Variants in KIRREL3 observed in about 807,000 individuals in gnomAD.
The protein encoded by KIRREL3 is kirre like nephrin family adhesion molecule 3.
In KIRREL3, 36 loss-of-function variants were observed where a neutral mutation model predicts 89.7. That is an observed-to-expected ratio of 0.40 (90% CI 0.31 to 0.53). The LOEUF (loss-of-function observed/expected upper bound fraction) is 0.53. Ranked by LOEUF, KIRREL3 falls within the 20% of genes least tolerant of loss-of-function variation. The pLI is 0.49. For missense variants in KIRREL3, 864 were observed against 1,056.6 expected (o/e 0.82, Z 2.53); for synonymous variants, 445 against 441.4 (o/e 1.01, Z -0.10).
chr11:126,848,593 T>C (rs1233366890), intron 1 of KIRREL3, among the ~76,000 whole-genome samples: 4 of 152,220 alleles, frequency 2.6e-5, no homozygotes, highest in Admixed American at 2.6e-4. Context: ...CAACTCTATA[T>C]CAGCTTGGTT....
chr11:126,710,972 A>C lies in KIRREL3; in HGVS notation c.56-148060T>G, dbSNP rs1947732312. ...GAGGATGGTGGCTGCTGGGACGGCC[A>C]AGGGCAGCTAGGTTTCAGGTGTCCC... On this transcript the variant is annotated intron_variant, in intron 1 of 16. Transcript: ENST00000525144. The surrounding 1 kb of genome is among the most constrained non-coding windows in gnomAD (Gnocchi z 4.2). Among the ~76,000 whole-genome samples the C allele has an allele frequency of 6.6e-6, 1 of 152,210 alleles. No individual in the cohort carries two copies.
chr11:126,956,956 C>T (rs888599319), intron 1 of KIRREL3, among the ~76,000 whole-genome samples: 8 of 152,162 alleles, frequency 5.3e-5, no homozygotes, highest in South Asian at 2.1e-4. Context: ...CTCGTGTGCA[C>T]GCCTCTTGGG....
intron 1 of KIRREL3, among the ~76,000 whole-genome samples, chr11:126,847,902 T>A (rs1204670763): frequency 6.6e-6 from 1 of 152,218 alleles, no homozygotes; most frequent in Non-Finnish European, 1.5e-5. Context: ...ATCTATTTTC[T>A]TTTGTAACAG....
intron 6 of KIRREL3, among the ~76,000 whole-genome samples, chr11:126,460,435 A>G (rs1028198616): frequency 2.0e-5 from 3 of 152,138 alleles, no homozygotes; most frequent in Non-Finnish European, 4.4e-5. Flanking sequence ...ATCGGGGCAC[A>G]AGGAGGTTAA....
chr11:126,478,467 A>C (rs113120553), intron 4 of KIRREL3, among the ~76,000 whole-genome samples: 5,093 of 152,242 alleles, frequency 0.033, 105 homozygotes, highest in Middle Eastern at 0.051. Flanking sequence ...GGGGACGGTT[A>C]TCATGGGCTT....
intron 1 of KIRREL3, among the ~76,000 whole-genome samples, chr11:126,567,022 C>T (rs574347660): frequency 5.9e-5 from 9 of 152,284 alleles, no homozygotes; most frequent in Admixed American, 3.3e-4. Context: ...GGTCGCAGAG[C>T]TGCAGATGCT....
rs2135152786 is a variant in KIRREL3, at chr11:126,697,384, G to A, written c.56-134472C>T. Among the ~76,000 whole-genome samples the A allele has an allele frequency of 6.6e-6, 1 of 152,274 alleles. No individual in the cohort carries two copies. The highest frequency in any genetic ancestry group is 6.5e-5 in the Admixed American group (1 of 15,300). On this transcript the variant is annotated intron_variant, in intron 1 of 16. Transcript: ENST00000525144. This position sits in a 1 kb window ranked among gnomAD's most constrained non-coding sequence, Gnocchi z 4.2. ...CAAGCCACTCAACCCCTAGGAACCTGTTTTCTTATCTAGAACATGAGGGTA... is the reference window on the plus strand; with the variant it reads ...CAAGCCACTCAACCCCTAGGAACCTATTTTCTTATCTAGAACATGAGGGTA...
At chr11:126,738,671 C>G (rs1948883777) in intron 1 of KIRREL3, among the ~76,000 whole-genome samples, 1 of 152,200 alleles carries the variant, frequency 6.6e-6, no homozygotes, top group Non-Finnish European at 1.5e-5. Context: ...CCATGTTTGG[C>G]TCCTTCTCTC....
chr11:126,922,317 A>G (rs1947383829), intron 1 of KIRREL3, among the ~76,000 whole-genome samples: 1 of 151,986 alleles, frequency 6.6e-6, no homozygotes, highest in Non-Finnish European at 1.5e-5. Context: ...TCCATTCTCC[A>G]TGAAGGCTGA....
At chr11:126,849,734 A>G (rs748013873) in intron 1 of KIRREL3, among the ~76,000 whole-genome samples, 1 of 152,106 alleles carries the variant, frequency 6.6e-6, no homozygotes, top group Non-Finnish European at 1.5e-5. Context: ...AGGGAAAGAG[A>G]CAGAAGGTGG....
In KIRREL3 at chr11:126,977,662, T is replaced by C. The variant is rs1478032171; in HGVS notation, c.55+22793A>G. 3.3e-5 allele frequency among the ~76,000 whole-genome samples: 5 copies of C among 152,238 alleles called. No homozygotes were observed. The highest frequency in any genetic ancestry group is 7.3e-5 in the Non-Finnish European group (5 of 68,034). ...ATAGTGGGTGTTCGATAAATATTTG[T>C]TGAAAAAGTGAAAATGAGTTAGACT... On this transcript the variant is annotated intron_variant, in intron 1 of 16. Transcript: ENST00000525144. This position sits in a 1 kb window ranked among gnomAD's most constrained non-coding sequence, Gnocchi z 4.7.
In KIRREL3 at chr11:126,544,520, T is replaced by G. The variant is rs1352495260; in HGVS notation, c.134-17833A>C. Among the ~76,000 whole-genome samples, 2 of 152,108 alleles carry G rather than the reference T, an allele frequency of 1.3e-5. No individual in the cohort carries two copies. Among genetic ancestry groups the G allele is most frequent in the South Asian group, 2.1e-4 (1 of 4,832 alleles). On this transcript the variant is annotated intron_variant, in intron 2 of 16. Transcript: ENST00000525144. The surrounding 1 kb of genome is among the most constrained non-coding windows in gnomAD (Gnocchi z 5.6). ...TATTGCAGGATGATAGGTCTGGGAC[T>G]GGGGGTGGGACTGCCCGGGGCTACC...
chr11:126,534,648 C>T lies in KIRREL3; in HGVS notation c.134-7961G>A, dbSNP rs143332883. Among the ~76,000 whole-genome samples, 692 of 152,296 alleles carry T rather than the reference C, an allele frequency of 4.5e-3. 4 individuals carry two copies. Among genetic ancestry groups the T allele is most frequent in the African/African-American group, 0.016 (667 of 41,558 alleles). ...ACCTGCAGGGGCCGAGAGAGCACTG[C>T]GCCATCTGTCCCGGGGGCCCTTTAG... On this transcript the variant is annotated intron_variant, in intron 2 of 16. Coordinates refer to ENST00000525144, the MANE Select transcript of KIRREL3 (RefSeq NM_032531.4).
chr11:126,988,207 G>A (rs1453052646), intron 1 of KIRREL3, among the ~76,000 whole-genome samples: 1 of 152,204 alleles, frequency 6.6e-6, no homozygotes, highest in Non-Finnish European at 1.5e-5. Context: ...GGGAAGCTGG[G>A]TGATGATGAA....
rs182328530 is a variant in KIRREL3, at chr11:126,452,432, G to A, written c.849-3275C>T. The stretch of plus-strand genomic sequence containing the variant: ...GCGAGGGGGCCAGGTGGTGGATGCA[G>A]CGTGAGGCCAAGCGGGCAGCTGGCT... On this transcript the variant is annotated intron_variant, in intron 7 of 16. Transcript: ENST00000525144. Among the ~76,000 whole-genome samples, 63 of 152,370 alleles carry A rather than the reference G, an allele frequency of 4.1e-4. No homozygotes were observed. The Middle Eastern group carries it at 0.017, about 41-fold the overall frequency.
chr11:126,497,150 G>A (rs935129388), intron 4 of KIRREL3, among the ~76,000 whole-genome samples: 1 of 151,918 alleles, frequency 6.6e-6, no homozygotes, highest in Admixed American at 6.6e-5. Flanking sequence ...GAGAGCGAGA[G>A]AGTGTGAGAG....
chr11:126,911,123 G>A (rs1054882845), intron 1 of KIRREL3, among the ~76,000 whole-genome samples: 1 of 152,162 alleles, frequency 6.6e-6, no homozygotes, highest in Non-Finnish European at 1.5e-5. Flanking sequence ...AAGGTTCAAG[G>A]GATGACACAG....
chr11:126,572,385 A>G (rs1940997301), intron 1 of KIRREL3, among the ~76,000 whole-genome samples: 1 of 152,232 alleles, frequency 6.6e-6, no homozygotes, highest in Non-Finnish European at 1.5e-5. Context: ...TTTGCTGTAC[A>G]GGTGAGGCTC....
chr11:126,522,335 T>A lies in KIRREL3; in HGVS notation c.284-871A>T, dbSNP rs183312825. On this transcript the variant is annotated intron_variant, in intron 3 of 16. Coordinates refer to ENST00000525144, the MANE Select transcript of KIRREL3 (RefSeq NM_032531.4). This position sits in a 1 kb window ranked among gnomAD's most constrained non-coding sequence, Gnocchi z 6.0. ...GAAATGTTTGGAAAAGGATCAAGAG[T>A]GACTTTGCAAAAATTTTGTTTCAGG... Among the ~76,000 whole-genome samples the A allele has an allele frequency of 5.1e-4, 78 of 151,794 alleles. 2 individuals are homozygous for A. In the East Asian group the frequency reaches 0.013, roughly 26 times the overall value.
Sources: gnomAD v4.1 joint callset for allele counts (sites outside exome capture counted in the v4.1 genomes callset) on GRCh38, gnomAD v4.1.1 for gene constraint, Gnocchi (gnomAD v3.1) non-coding constraint, MANE v1.5 for transcripts, NCBI Gene and HGNC (gene_info 2026-07-23, HGNC 2026-07-21) for gene names.